Variants in RNF152 observed in about 807,000 individuals in gnomAD.
RNF152 encodes E3 ubiquitin-protein ligase RNF152.
RNF152 carries 11 observed loss-of-function variants against 12.7 expected under a neutral mutation model. That is an observed-to-expected ratio of 0.86 (90% CI 0.54 to 1.43). RNF152 has a LOEUF of 1.43. Ranked by LOEUF, RNF152 falls within the 40% of genes most tolerant of loss-of-function variation. The probability of loss-of-function intolerance (pLI) is 0.00; values close to 1 mark genes in which losing one functional copy is unlikely to be tolerated. For missense variants in RNF152, 255 were observed against 274.8 expected (o/e 0.93, Z 0.51); for synonymous variants, 113 against 120.3 (o/e 0.94, Z 0.40).
chr18:61,874,570 T>A (rs964499381), intron 1 of RNF152, among the ~76,000 whole-genome samples: 1 of 152,212 alleles, frequency 6.6e-6, no homozygotes. Flanking sequence ...AAGGCCTTTT[T>A]AGGGTTTGCT....
At chr18:61,831,597 A>C (rs979048427) in intron 1 of RNF152, among the ~76,000 whole-genome samples, 3 of 152,154 alleles carry the variant, frequency 2.0e-5, no homozygotes, top group Non-Finnish European at 4.4e-5. Context: ...CTACGCACAA[A>C]GTATTTAAGA....
In RNF152 at chr18:61,882,158, C is replaced by G. The variant is rs141388364; in HGVS notation, c.-136+10637G>C. ...GATTTTCAGATGTGGAATGCTCAAC[C>G]AGTAAATATAATGTTTGAATATTAA... On this transcript the variant is annotated intron_variant, in intron 1 of 1. Transcript: ENST00000312828. Among the ~76,000 whole-genome samples, 112 of 152,146 alleles carry G rather than the reference C, an allele frequency of 7.4e-4. 1 individual carries two copies. The highest frequency in any genetic ancestry group is 3.4e-3 in the Middle Eastern group (1 of 294).
chr18:61,815,988 C>A lies in RNF152; in HGVS notation c.476G>T (p.Gly159Val). 1 of 1,614,216 alleles carries A rather than the reference C, an allele frequency of 6.2e-7. No homozygotes were observed. The highest frequency in any genetic ancestry group is 8.5e-7 in the Non-Finnish European group (1 of 1,180,042). Residue 159 changes from glycine (G) to valine (V), a missense_variant, in exon 2 of 2, where the codon GGC becomes GTC. Physicochemically the swap from Gly to Val is moderately radical, Grantham distance 109. Coordinates refer to ENST00000312828, the MANE Select transcript of RNF152 (RefSeq NM_173557.3). ...CGACCAGGTGGAGCTTTTCACCACG[C>A]CCCGCCTGTCCTGCTCCTCCTCCAC... ...EAVEEEQDRR[G>V]VVKSSTWSGV... is the part of the protein sequence containing the mutation.
intron 1 of RNF152, among the ~76,000 whole-genome samples, chr18:61,885,352 G>A (rs1401078736): frequency 6.6e-6 from 1 of 152,088 alleles, no homozygotes; most frequent in African/African-American, 2.4e-5. Context: ...CTTTTGCCCA[G>A]GCTGGAGTGC....
chr18:61,828,943 T>C (rs1230918940), intron 1 of RNF152, among the ~76,000 whole-genome samples: 1 of 152,072 alleles, frequency 6.6e-6, no homozygotes, highest in African/African-American at 2.4e-5. Flanking sequence ...AAGGAGCACC[T>C]ATGTCTGTCT....
chr18:61,885,736 T>C (rs1044588387), intron 1 of RNF152, among the ~76,000 whole-genome samples: 4 of 152,190 alleles, frequency 2.6e-5, no homozygotes, highest in African/African-American at 9.7e-5. Context: ...GTTTCTATCA[T>C]GTGAATGAGT....
intron 1 of RNF152, among the ~76,000 whole-genome samples, chr18:61,884,611 TGCAGTG>T (rs1426074802): frequency 1.3e-5 from 2 of 152,194 alleles, no homozygotes; most frequent in Non-Finnish European, 2.9e-5. Flanking sequence ...CAGGCTGGAG[TGCAGTG>T]GCACAATCTC....
At chr18:61,858,277 T>TTA (rs1451064517) in intron 1 of RNF152, among the ~76,000 whole-genome samples, 1 of 152,098 alleles carries the variant, frequency 6.6e-6, no homozygotes, top group Non-Finnish European at 1.5e-5. Context: ...ATCTGACACT[T>TTA]GTTAGATTCC....
intron 1 of RNF152, among the ~76,000 whole-genome samples, chr18:61,829,724 G>A (rs1909849780): frequency 6.6e-6 from 1 of 152,088 alleles, no homozygotes. Flanking sequence ...CCAAAGCAAG[G>A]GGTGCTGAGA....
At chr18:61,888,855 C>T (rs1467585918) in intron 1 of RNF152, 1 of 152,212 alleles carries the variant, frequency 6.6e-6, no homozygotes, top group African/African-American at 2.4e-5. Context: ...TCACAATGGG[C>T]AGTGCCAGAA....
chr18:61,886,896 A>G (rs1912726472), intron 1 of RNF152, among the ~76,000 whole-genome samples: 1 of 152,266 alleles, frequency 6.6e-6, no homozygotes, highest in Non-Finnish European at 1.5e-5. Context: ...ATTTTGCCAG[A>G]GAACTTTGGA....
At chr18:61,891,004 A>C (rs1912932772) in intron 1 of RNF152, among the ~76,000 whole-genome samples, 1 of 152,178 alleles carries the variant, frequency 6.6e-6, no homozygotes, top group East Asian at 1.9e-4. Context: ...CTTCCATTGA[A>C]GTTAATTAGA....
intron 1 of RNF152, among the ~76,000 whole-genome samples, chr18:61,855,485 C>A (rs554122468): frequency 4.6e-5 from 7 of 152,354 alleles, no homozygotes; most frequent in East Asian, 1.9e-4. Flanking sequence ...TGGGGCTCTG[C>A]AATTCCTCGC....
chr18:61,851,962 T>G (rs1911005281), intron 1 of RNF152, among the ~76,000 whole-genome samples: 2 of 152,106 alleles, frequency 1.3e-5, no homozygotes, highest in South Asian at 4.1e-4. Flanking sequence ...TTAAAATAAT[T>G]TTATCTATAA....
intron 1 of RNF152, among the ~76,000 whole-genome samples, chr18:61,822,091 G>T (rs1239449057): frequency 6.6e-6 from 1 of 151,924 alleles, no homozygotes; most frequent in South Asian, 2.1e-4. Flanking sequence ...GAATGCATAA[G>T]AACAAGTATA....
At position 61,815,105 on chromosome 18, in the gene RNF152, G is replaced by A. The variant is rs1471736630; in HGVS notation, c.*747C>T. The A allele has an allele frequency of 2.0e-5, 3 of 152,592 alleles. No homozygotes were observed. The highest frequency in any genetic ancestry group is 2.9e-5 in the Non-Finnish European group (2 of 68,012). 9.5% of individuals were successfully genotyped at this position (152,592 alleles called of 1,614,324 possible). On this transcript the variant is annotated 3_prime_UTR_variant, in exon 2 of 2. Transcript: ENST00000312828. ...ATTCTTATTTTGTGAGATGGCTTGA[G>A]GAAAATCGGCATACAGGTTTTCCCA... is the stretch of plus-strand genomic sequence containing the variant.
chr18:61,886,127 T>C (rs1133216), intron 1 of RNF152, among the ~76,000 whole-genome samples: 86,154 of 151,580 alleles, frequency 0.57, 24,509 homozygotes, highest in East Asian at 0.75. Context: ...TTGGTATACG[T>C]ACTGCAGCCT....
intron 1 of RNF152, among the ~76,000 whole-genome samples, chr18:61,857,733 G>A (rs961027736): frequency 6.6e-6 from 1 of 152,092 alleles, no homozygotes; most frequent in African/African-American, 2.4e-5. Flanking sequence ...AAAAACTGTG[G>A]GCTTTTGGTC....
chr18:61,846,272 C>A (rs73458437), intron 1 of RNF152, among the ~76,000 whole-genome samples: 5,376 of 152,166 alleles, frequency 0.035, 340 homozygotes, highest in African/African-American at 0.12. Context: ...AAAAAACAAT[C>A]CCAAAAAACT....
Sources: allele counts gnomAD v4.1 joint callset (sites outside exome capture counted in the v4.1 genomes callset), GRCh38; gene constraint gnomAD v4.1.1; transcripts MANE v1.5; gene names NCBI Gene and HGNC (gene_info 2026-07-23, HGNC 2026-07-21).